Variants in TNNI3K observed in about 807,000 individuals in gnomAD.
TNNI3K encodes TNNI3 interacting kinase.
Under a neutral mutation model 114.5 loss-of-function variants are expected in TNNI3K, and 140 were observed. The observed-to-expected ratio is 1.22, with a 90% CI of 1.07 to 1.41. TNNI3K has a LOEUF of 1.41. Ranked by LOEUF, TNNI3K falls within the 40% of genes most tolerant of loss-of-function variation. The pLI, the probability that TNNI3K is intolerant of heterozygous loss-of-function variation, is 0.00. For synonymous variants in TNNI3K, 347 were observed against 347.5 expected (o/e 1.00, Z 0.02); for missense variants, 1,125 against 1,007.6 (o/e 1.12, Z -1.58).
At chr1:74,432,465 T>C (rs893530402) in intron 17 of TNNI3K, among the ~76,000 whole-genome samples, 1 of 152,144 alleles carries the variant, frequency 6.6e-6, no homozygotes, top group Non-Finnish European at 1.5e-5. Flanking sequence ...CTGATCCTGA[T>C]GATTGTCTCC....
At chr1:74,451,731 CTTTCTTTCTT>C (rs1667028767) in intron 20 of TNNI3K, among the ~76,000 whole-genome samples, 13 of 49,788 alleles carry the variant, frequency 2.6e-4, no homozygotes, top group Non-Finnish European at 4.5e-4. Context: ...TTCTTTCTTT[CTTTCTTTCTT>C]TCTTTCTTTT....
At chr1:74,499,157 A>G (rs370568721) in intron 23 of TNNI3K, among the ~76,000 whole-genome samples, 2 of 152,282 alleles carry the variant, frequency 1.3e-5, no homozygotes, top group South Asian at 2.1e-4. Context: ...CCTTGAACTC[A>G]GGGTCTTTAC....
intron 21 of TNNI3K, among the ~76,000 whole-genome samples, chr1:74,477,110 T>G (rs1216641611): frequency 6.6e-6 from 1 of 152,170 alleles, no homozygotes; most frequent in Non-Finnish European, 1.5e-5. Context: ...TATTGACAGA[T>G]AGATTCTAGA....
At chr1:74,277,585 A>G (rs930025542) in intron 5 of TNNI3K, among the ~76,000 whole-genome samples, 2 of 152,296 alleles carry the variant, frequency 1.3e-5, no homozygotes, top group African/African-American at 4.8e-5. Context: ...CAACACACAC[A>G]CACCTCAAGT....
At chr1:74,247,148 G>A (rs1056572556) in intron 2 of TNNI3K, among the ~76,000 whole-genome samples, 10 of 152,174 alleles carry the variant, frequency 6.6e-5, no homozygotes, top group South Asian at 2.1e-4. Context: ...TGGTGTGTCC[G>A]GGGTTTGTTC....
intron 4 of TNNI3K, among the ~76,000 whole-genome samples, chr1:74,258,528 T>C (rs371591838): frequency 2.2e-4 from 33 of 152,248 alleles, no homozygotes; most frequent in African/African-American, 7.7e-4. Flanking sequence ...TTCCATTTTG[T>C]AGATTTTATT....
intron 17 of TNNI3K, among the ~76,000 whole-genome samples, chr1:74,392,323 C>T (rs571886034): frequency 6.6e-6 from 1 of 152,230 alleles, no homozygotes; most frequent in South Asian, 2.1e-4. Context: ...ATTGTGTGAA[C>T]AAAGTCCTAG....
At chr1:74,386,615 G>A (rs1035653348) in intron 17 of TNNI3K, among the ~76,000 whole-genome samples, 1 of 152,094 alleles carries the variant, frequency 6.6e-6, no homozygotes. Flanking sequence ...TTCAAAATTA[G>A]AATTGTGGGG....
At chr1:74,445,910 G>A (rs896425612) in intron 20 of TNNI3K, among the ~76,000 whole-genome samples, 28 of 151,932 alleles carry the variant, frequency 1.8e-4, no homozygotes, top group African/African-American at 4.1e-4. Flanking sequence ...GTGCCCGGCC[G>A]TTCCACATTT....
intron 17 of TNNI3K, among the ~76,000 whole-genome samples, chr1:74,382,434 C>T (rs1205665374): frequency 2.6e-5 from 4 of 152,128 alleles, no homozygotes; most frequent in Non-Finnish European, 5.9e-5. Flanking sequence ...AGCAGGGTTA[C>T]CAGAAAGTCT....
At chr1:74,386,746 C>A (rs1570556628) in intron 17 of TNNI3K, among the ~76,000 whole-genome samples, 1 of 152,156 alleles carries the variant, frequency 6.6e-6, no homozygotes, top group Middle Eastern at 3.4e-3. Flanking sequence ...TTGGGTTGGA[C>A]AATTTAAAAT....
intron 17 of TNNI3K, among the ~76,000 whole-genome samples, chr1:74,431,644 G>A (rs763255050): frequency 2.2e-4 from 34 of 152,084 alleles, no homozygotes; most frequent in Non-Finnish European, 7.4e-5. Flanking sequence ...ATACATTACA[G>A]TAAAATGTAG....
chr1:74,509,090 T>C (rs942546385), intron 23 of TNNI3K, among the ~76,000 whole-genome samples: 1 of 152,236 alleles, frequency 6.6e-6, no homozygotes, highest in Non-Finnish European at 1.5e-5. Context: ...ACTTTCTTCT[T>C]CTTTTTATCA....
intron 17 of TNNI3K, among the ~76,000 whole-genome samples, chr1:74,421,342 A>G (rs1181989096): frequency 1.3e-5 from 2 of 152,186 alleles, no homozygotes; most frequent in Non-Finnish European, 2.9e-5. Flanking sequence ...AAGTACACAT[A>G]AGTGATGAAT....
chr1:74,517,107 G>A (rs1646360222), intron 23 of TNNI3K, among the ~76,000 whole-genome samples: 1 of 152,104 alleles, frequency 6.6e-6, no homozygotes, highest in African/African-American at 2.4e-5. Context: ...TTTGGTAGAT[G>A]CTGTTCATTA....
At chr1:74,439,225 G>A (rs1666267244) in intron 19 of TNNI3K, 1 of 321,964 alleles carries the variant, frequency 3.1e-6, no homozygotes, top group African/African-American at 2.1e-5. Context: ...CTTGTGTGAT[G>A]TTTTAGGAAG....
rs147856526 is a variant in TNNI3K, at chr1:74,464,687, T to C, written c.2121+1137T>C. The C allele has an allele frequency of 2.7e-5, 43 of 1,597,308 alleles. No individual in the cohort carries two copies. In the African/African-American group the frequency reaches 4.5e-4, roughly 17 times the overall value. On this transcript the variant is annotated intron_variant, in intron 21 of 24. Transcript: ENST00000326637. ...GTCTCATCTGTGTACACAGAAACTC[T>C]TAAGAAGAAAAATGAAGATCGTTTT... is the stretch of plus-strand genomic sequence containing the variant.
In TNNI3K at chr1:74,529,864, C is replaced by T. The variant is rs547646734; in HGVS notation, c.2352-10370C>T. ...TGCTCTCTCCCTGGATGACCCCACCCCTTGTGAACCAGGGCTTGTTCTTCA... is the reference window on the plus strand; with the variant it reads ...TGCTCTCTCCCTGGATGACCCCACCTCTTGTGAACCAGGGCTTGTTCTTCA... On this transcript the variant is annotated intron_variant, in intron 23 of 24. Transcript: ENST00000326637. Among the ~76,000 whole-genome samples the T allele has an allele frequency of 7.9e-5, 12 of 152,242 alleles. 1 individual carries two copies. In the East Asian group the frequency reaches 2.1e-3, roughly 27 times the overall value.
intron 5 of TNNI3K, among the ~76,000 whole-genome samples, chr1:74,284,692 T>C (rs974502230): frequency 3.3e-5 from 5 of 152,212 alleles, no homozygotes; most frequent in African/African-American, 1.2e-4. Context: ...CTAAAGCAGA[T>C]CTCAGGTTAC....
Sources: gnomAD v4.1 joint callset for allele counts (sites outside exome capture counted in the v4.1 genomes callset) on GRCh38, gnomAD v4.1.1 for gene constraint, MANE v1.5 for transcripts, NCBI Gene and HGNC (gene_info 2026-07-23, HGNC 2026-07-21) for gene names.